The following PDZD9 variants were observed in gnomAD, a reference collection of about 807,000 sequenced individuals.
The protein encoded by PDZD9 is PDZ domain-containing protein 9.
PDZD9 carries 13 observed loss-of-function variants against 16.3 expected under a neutral mutation model. The observed-to-expected ratio is 0.80, with a 90% CI of 0.52 to 1.27. PDZD9 has a LOEUF of 1.27. Among genes scored for constraint, PDZD9 ranks in the 50% most tolerant of loss-of-function variants. The probability of loss-of-function intolerance (pLI) is 0.00; values close to 1 mark genes in which losing one functional copy is unlikely to be tolerated. For synonymous variants in PDZD9, 120 were observed against 111.0 expected, an observed-to-expected ratio of 1.08 and a Z score of -0.51; for missense variants, 288 against 310.9, an observed-to-expected ratio of 0.93 and a Z score of 0.55.
chr16:21,976,355 A>G, the PDZD9 span: 1 of 936,728 alleles, frequency 1.1e-6, no homozygotes, highest in South Asian at 1.6e-5. Context: ...AGTACAGAAA[A>G]GCGTAAAAAG....
At position 21,988,734 on chromosome 16, in the gene PDZD9, A is replaced by T. The variant is rs1898946549; in HGVS notation, c.269T>A (p.Phe90Tyr). 1 of 1,613,566 alleles carries T rather than the reference A, an allele frequency of 6.2e-7. No individual in the cohort carries two copies. The highest frequency in any genetic ancestry group is 8.5e-7 in the Non-Finnish European group (1 of 1,179,860). ...ANVLGYTLRE[F>Y]LQLLQHITIG... Reference sequence around the variant, plus strand: ...AGTGATATGTTGCAAAAGCTGTAAAAATTCTCGAAGAGTATATCCTAACAC... The same window carrying T: ...AGTGATATGTTGCAAAAGCTGTAAATATTCTCGAAGAGTATATCCTAACAC... The change falls in exon 3 of 4, where the codon TTT (phenylalanine) becomes TAT (tyrosine). Residue 90 changes from phenylalanine to tyrosine, a missense_variant. Physicochemically the swap from Phe to Tyr is conservative, Grantham distance 22. Coordinates refer to ENST00000424898, the MANE Select transcript of PDZD9 (RefSeq NM_001363519.1).
chr16:21,979,457 A>G (rs1898663177), downstream of PDZD9, among the ~76,000 whole-genome samples: 1 of 152,198 alleles, frequency 6.6e-6, no homozygotes, highest in Non-Finnish European at 1.5e-5. Flanking sequence ...ATAGCCTACT[A>G]CACACATGGG....
chr16:21,958,740 A>G, the PDZD9 span: 1 of 711,492 alleles, frequency 1.4e-6, no homozygotes. Context: ...AGTATATCAA[A>G]CTGTAAAACA....
chr16:21,974,620 T>A, the PDZD9 span, among the ~76,000 whole-genome samples: 1 of 152,230 alleles, frequency 6.6e-6, no homozygotes, highest in East Asian at 1.9e-4. Context: ...AAGGAATGAA[T>A]GACAAGTAAG....
chr16:21,976,937 T>C, the PDZD9 span: 3 of 152,232 alleles, frequency 2.0e-5, no homozygotes, highest in East Asian at 1.9e-4. Flanking sequence ...TATAAAGATA[T>C]CTTTGGGCTT....
the PDZD9 span, chr16:21,962,711 G>A: frequency 6.2e-7 from 1 of 1,612,046 alleles, no homozygotes; most frequent in Non-Finnish European, 8.5e-7. Context: ...AATCTCAAAT[G>A]TTGGCTTTAC....
intron 2 of PDZD9, 136 bp from the exon 3 acceptor site, chr16:21,988,927 C>G (rs1898954469): frequency 6.7e-6 from 4 of 598,322 alleles, no homozygotes; most frequent in Admixed American, 4.2e-5. Context: ...CAGGCTTCAG[C>G]CTTTTTTTTT....
the PDZD9 span, chr16:21,965,293 C>A: frequency 1.2e-6 from 1 of 844,254 alleles, no homozygotes; most frequent in Non-Finnish European, 1.9e-6. Flanking sequence ...GTCCTCTTAA[C>A]ATATGAATGC....
intron 3 of PDZD9, among the ~76,000 whole-genome samples, chr16:21,987,376 C>T (rs529195777): frequency 7.9e-5 from 12 of 152,032 alleles, no homozygotes; most frequent in Non-Finnish European, 1.5e-4. Context: ...GCCAAGGTCA[C>T]GCCACTACAC....
At chr16:21,964,980 A>G in the PDZD9 span, among the ~76,000 whole-genome samples, 3 of 152,330 alleles carry the variant, frequency 2.0e-5, no homozygotes, top group East Asian at 1.9e-4. Flanking sequence ...GTCCCCTGAA[A>G]GCTACCTGAC....
rs1283729443 is a variant in PDZD9, at chr16:21,984,307, A to C, written c.755T>G (p.Val252Gly). The C allele has an allele frequency of 6.2e-7, 1 of 1,614,002 alleles. No homozygotes were observed. Among genetic ancestry groups the C allele is most frequent in the East Asian group, 2.2e-5 (1 of 44,894 alleles). The change falls in exon 4 of 4, where the codon GTT (valine) becomes GGT (glycine). Residue 252 changes from valine (V) to glycine (G), a missense_variant. Val to Gly is a moderately radical substitution (Grantham distance 109). Transcript: ENST00000424898. ...TACCAGTTGGGCTTTACCCTCTTCAACTTGGGCACAATCTTCCAGCCAAAA... is the reference window on the plus strand; with the variant it reads ...TACCAGTTGGGCTTTACCCTCTTCACCTTGGGCACAATCTTCCAGCCAAAA... ...DAFWLEDCAQVEEGKAQLVSK... is the reference protein window; with the variant it reads ...DAFWLEDCAQGEEGKAQLVSK...
the PDZD9 span, among the ~76,000 whole-genome samples, chr16:21,961,631 TATATATATATATATA>T: frequency 3.0e-5 from 1 of 33,126 alleles, no homozygotes. Flanking sequence ...AAAATTTATA[TATATATATATATATA>T]TATATATATA....
chr16:21,985,220 C>A lies in PDZD9; in HGVS notation c.402-560G>T, dbSNP rs188460277. On this transcript the variant is annotated intron_variant, in intron 3 of 3. Coordinates refer to ENST00000424898, the MANE Select transcript of PDZD9 (RefSeq NM_001363519.1). ...ACCTTGAATTCCTGGGCTCAAGTGA[C>A]CCTCTGGCCTCTGCTTCCAAAGTAG... is the stretch of plus-strand genomic sequence containing the variant. 7.6e-4 allele frequency among the ~76,000 whole-genome samples: 115 copies of A among 152,204 alleles called. No individual in the cohort carries two copies. The Middle Eastern group carries it at 0.014, about 18-fold the overall frequency.
chr16:21,968,709 T>C, the PDZD9 span: 1 of 1,592,970 alleles, frequency 6.3e-7, no homozygotes, highest in Middle Eastern at 1.7e-4. Context: ...ATTGCCTGCC[T>C]GTCAGTTTGC....
chr16:21,968,075 C>G, the PDZD9 span, among the ~76,000 whole-genome samples: 1 of 149,052 alleles, frequency 6.7e-6, no homozygotes, highest in Non-Finnish European at 1.5e-5. Flanking sequence ...GATCTCAGCT[C>G]ACTGCAACCT....
chr16:21,968,664 A>G, the PDZD9 span: 1 of 1,610,070 alleles, frequency 6.2e-7, no homozygotes, highest in Non-Finnish European at 8.5e-7. Flanking sequence ...CACAAGTGCA[A>G]GAATGGCTTT....
the PDZD9 span, among the ~76,000 whole-genome samples, chr16:21,958,930 A>G: frequency 3.3e-5 from 5 of 152,252 alleles, no homozygotes; most frequent in African/African-American, 7.2e-5. Flanking sequence ...TTATGTTTAC[A>G]CTATACTGTG....
At chr16:21,994,195 A>G (rs750848043) in intron 2 of PDZD9, among the ~76,000 whole-genome samples, 2 of 152,150 alleles carry the variant, frequency 1.3e-5, no homozygotes, top group African/African-American at 2.4e-5. Context: ...TACCCCATCT[A>G]TCAAACAAAC....
the PDZD9 span, chr16:21,971,395 G>T: frequency 2.8e-6 from 2 of 712,536 alleles, no homozygotes; most frequent in Non-Finnish European, 4.6e-6. Context: ...TGGCATTATG[G>T]CAGGAAGACT....
Sources: gnomAD v4.1 joint callset for allele counts (sites outside exome capture counted in the v4.1 genomes callset) on GRCh38, gnomAD v4.1.1 for gene constraint, MANE v1.5 for transcripts, NCBI Gene and HGNC (gene_info 2026-07-23, HGNC 2026-07-21) for gene names.